ATP2B1: variants seen among roughly 807,000 people sequenced by gnomAD.
ATP2B1 encodes ATPase plasma membrane Ca2+ transporting 1.
In ATP2B1, 14 loss-of-function variants were observed where a neutral mutation model predicts 124.2. The observed-to-expected ratio is 0.11, with a 90% confidence interval of 0.07 to 0.18. The LOEUF (loss-of-function observed/expected upper bound fraction) is 0.18. ATP2B1 is among the 10% of genes least tolerant of loss of function. The pLI is 1.00. For synonymous variants in ATP2B1, 449 were observed against 492.4 expected (o/e 0.91, Z 1.17); for missense variants, 763 against 1,466.1 (o/e 0.52, Z 7.83).
intron 5 of ATP2B1, 141 bp downstream of exon 5, chr12:89,634,637 T>C: frequency 1.1e-6 from 1 of 896,616 alleles, no homozygotes; most frequent in Non-Finnish European, 1.5e-6. Flanking sequence ...AAAAAAAGTC[T>C]GCAAGGATTA....
chr12:89,589,929 T>C lies in ATP2B1; in HGVS notation c.*1055A>G, dbSNP rs1326774233. 1 of 152,536 alleles carries C rather than the reference T, an allele frequency of 6.6e-6. No individual in the cohort carries two copies. The highest frequency in any genetic ancestry group is 2.4e-5 in the African/African-American group (1 of 41,442). 9.4% of individuals were successfully genotyped at this position (152,536 alleles called of 1,614,324 possible). A position where few individuals can be genotyped will look rare whatever the true frequency, so the allele number is the denominator to read the frequency against. ...CAACAGCCCTCATGCTGTGTGAAGGTCTCTAAAGATTAGAAAAATCAATAC... is the reference window on the plus strand; with the variant it reads ...CAACAGCCCTCATGCTGTGTGAAGGCCTCTAAAGATTAGAAAAATCAATAC... On this transcript the variant is annotated 3_prime_UTR_variant, in exon 21 of 21. Transcript: ENST00000428670.
At chr12:89,609,905 A>G (rs1464908419) in intron 15 of ATP2B1, 32 bp downstream of exon 15, 1 of 1,582,446 alleles carries the variant, frequency 6.3e-7, no homozygotes, top group African/African-American at 1.3e-5. Context: ...TCAGTAAATT[A>G]CGTTTGGATA....
chr12:89,670,743 C>CA (rs146068655), intron 1 of ATP2B1, among the ~76,000 whole-genome samples: 2,707 of 151,786 alleles, frequency 0.018, 72 homozygotes, highest in African/African-American at 0.061. Context: ...GCTTAACAAT[C>CA]AAAAAAATTA....
intron 1 of ATP2B1, among the ~76,000 whole-genome samples, chr12:89,696,177 A>C (rs989798841): frequency 6.6e-6 from 1 of 152,214 alleles, no homozygotes; most frequent in Non-Finnish European, 1.5e-5. Flanking sequence ...GGAAATTTGG[A>C]AAAGTAAAGC....
At chr12:89,606,346 A>C (rs1876864433) in intron 15 of ATP2B1, among the ~76,000 whole-genome samples, 1 of 152,184 alleles carries the variant, frequency 6.6e-6, no homozygotes, top group Non-Finnish European at 1.5e-5. Flanking sequence ...AAGTAAAAGA[A>C]GCAGCTAAAA....
chr12:89,599,637 A>G (rs945834594), intron 19 of ATP2B1, among the ~76,000 whole-genome samples: 1 of 152,182 alleles, frequency 6.6e-6, no homozygotes, highest in Non-Finnish European at 1.5e-5. Flanking sequence ...TTTGAATACA[A>G]TGAAAATGGC....
intron 1 of ATP2B1, among the ~76,000 whole-genome samples, chr12:89,694,832 G>A (rs1890943976): frequency 6.6e-6 from 1 of 152,088 alleles, no homozygotes; most frequent in African/African-American, 2.4e-5. Context: ...CGAGGAAGGG[G>A]AATTGCTTGA....
At position 89,679,183 on chromosome 12, in the gene ATP2B1, C is replaced by T. The variant is rs1889046132; in HGVS notation, c.-221-23076G>A. Among the ~76,000 whole-genome samples, 3 of 152,102 alleles carry T rather than the reference C, an allele frequency of 2.0e-5. No homozygotes were observed. In the South Asian group the frequency reaches 6.2e-4, roughly 31 times the overall value. The stretch of plus-strand genomic sequence containing the variant: ...GGCAGAGGTTGGCCAAAATCACCCA[C>T]AGCCTGAGTTTGCACAGCCAAAGAC... On this transcript the variant is annotated intron_variant, in intron 1 of 20. Coordinates refer to ENST00000428670, the MANE Select transcript of ATP2B1 (RefSeq NM_001366521.1).
rs1452887072 is a variant in ATP2B1 at position 89,706,512 on chromosome 12, ATAT to A, written c.-222+2081_-222+2083del. Reference sequence around the variant, plus strand: ...TTTACCAAGAATATCCAGACCATCAATATTATTATAAACACAAATCAAAACTAG... The same window carrying A: ...TTTACCAAGAATATCCAGACCATCAATATTATAAACACAAATCAAAACTAG... On this transcript the variant is annotated intron_variant, in intron 1 of 20. Coordinates refer to ENST00000428670, the MANE Select transcript of ATP2B1 (RefSeq NM_001366521.1). Among the ~76,000 whole-genome samples the A allele has an allele frequency of 6.6e-5, 10 of 152,168 alleles. No homozygotes were observed. The East Asian group carries it at 7.7e-4, about 12-fold the overall frequency.
At chr12:89,601,850 G>A (rs1040077571) in intron 18 of ATP2B1, among the ~76,000 whole-genome samples, 10 of 151,906 alleles carry the variant, frequency 6.6e-5, no homozygotes, top group South Asian at 4.2e-4. Context: ...GTACTCTTTT[G>A]TAGAAAAGAC....
At chr12:89,668,847 C>T (rs937121763) in intron 1 of ATP2B1, among the ~76,000 whole-genome samples, 2 of 152,140 alleles carry the variant, frequency 1.3e-5, no homozygotes, top group East Asian at 3.9e-4. Context: ...CCTTTTTTCT[C>T]TCTTTGGACA....
intron 20 of ATP2B1, among the ~76,000 whole-genome samples, chr12:89,595,719 TCCA>T (rs1874450299): frequency 6.6e-6 from 1 of 152,068 alleles, no homozygotes; most frequent in African/African-American, 2.4e-5. Context: ...AAGACAATGC[TCCA>T]CCAACAAGGT....
chr12:89,633,782 G>C (rs1038947117), intron 5 of ATP2B1, among the ~76,000 whole-genome samples: 1 of 151,974 alleles, frequency 6.6e-6, no homozygotes, highest in African/African-American at 2.4e-5. Context: ...TAAAATGTTG[G>C]CAATCTATCA....
chr12:89,614,137 A>C (rs998306600), intron 12 of ATP2B1, among the ~76,000 whole-genome samples: 2 of 152,208 alleles, frequency 1.3e-5, no homozygotes, highest in African/African-American at 4.8e-5. Flanking sequence ...CCCTGATTTC[A>C]TGTTAAAGTT....
At chr12:89,610,610 AG>A in intron 13 of ATP2B1, 102 bp from the exon 14 acceptor site, 1 of 923,154 alleles carries the variant, frequency 1.1e-6, no homozygotes, top group South Asian at 1.5e-5. Flanking sequence ...TGTGGTCCAC[AG>A]AACAATCAGA....
Position 89,647,681 on chromosome 12 carries a change from T to C in ATP2B1, c.209-5326A>G, listed in dbSNP as rs144306369. Among the ~76,000 whole-genome samples the C allele has an allele frequency of 1.9e-3, 292 of 152,320 alleles. 1 individual carries two copies. Among genetic ancestry groups the C allele is most frequent in the African/African-American group, 6.8e-3 (284 of 41,564 alleles). ...TGTGTTTATATTACATGTACATGTATGTATGTCTGTGATATAGTAAGGATG... is the reference window on the plus strand; with the variant it reads ...TGTGTTTATATTACATGTACATGTACGTATGTCTGTGATATAGTAAGGATG... On this transcript the variant is annotated intron_variant, in intron 2 of 20. Coordinates refer to ENST00000428670, the MANE Select transcript of ATP2B1 (RefSeq NM_001366521.1).
intron 1 of ATP2B1, among the ~76,000 whole-genome samples, chr12:89,707,019 T>TA (rs35090605): frequency 1.8e-4 from 27 of 151,398 alleles, no homozygotes; most frequent in African/African-American, 4.4e-4. Context: ...GGTTCCCAAT[T>TA]AAAAAAAAAA....
intron 1 of ATP2B1, among the ~76,000 whole-genome samples, chr12:89,662,505 CAA>C (rs1179893230): frequency 1.3e-5 from 2 of 152,114 alleles, no homozygotes; most frequent in South Asian, 2.1e-4. Context: ...TAAATTTACT[CAA>C]GTCACATTTT....
In ATP2B1 at chr12:89,702,623, T is replaced by G. The variant is rs182319971; in HGVS notation, c.-222+5973A>C. ...CCTATTTTTTTCAGAAAACATAAAT[T>G]TGACTCCTAAATTTATCAGGTCTGT... On this transcript the variant is annotated intron_variant, in intron 1 of 20. Coordinates refer to ENST00000428670, the MANE Select transcript of ATP2B1 (RefSeq NM_001366521.1). Among the ~76,000 whole-genome samples, 17 of 152,304 alleles carry G rather than the reference T, an allele frequency of 1.1e-4. No homozygotes were observed. In the East Asian group the frequency reaches 2.5e-3, roughly 22 times the overall value.
Sources: gnomAD v4.1 joint callset for allele counts (sites outside exome capture counted in the v4.1 genomes callset) on GRCh38, gnomAD v4.1.1 for gene constraint, MANE v1.5 for transcripts, NCBI Gene and HGNC (gene_info 2026-07-23, HGNC 2026-07-21) for gene names.